Variants in MAD1L1 observed in about 807,000 individuals in gnomAD.
MAD1L1 encodes the protein mitotic arrest deficient 1 like 1.
In MAD1L1, 95 loss-of-function variants were observed where a neutral mutation model predicts 96.9. The ratio of observed to expected loss-of-function variants is 0.98; its 90% CI spans 0.83 to 1.16. The LOEUF (loss-of-function observed/expected upper bound fraction) is 1.16. Among genes scored for constraint, MAD1L1 ranks in the 50% most tolerant of loss-of-function variants. The pLI is 0.00. For missense variants in MAD1L1, 1,007 were observed against 954.4 expected (o/e 1.06, Z -0.73); for synonymous variants, 473 against 396.6 (o/e 1.19, Z -2.29).
At chr7:1,970,318 ATTTTAAT>A (rs2128479512) in intron 15 of MAD1L1, among the ~76,000 whole-genome samples, 1 of 148,938 alleles carries the variant, frequency 6.7e-6, no homozygotes, top group East Asian at 2.0e-4. Context: ...TTACTATATA[ATTTTAAT>A]TTTTACTTTT....
chr7:1,946,240 G>T (rs1583879518), intron 16 of MAD1L1, among the ~76,000 whole-genome samples: 1 of 152,332 alleles, frequency 6.6e-6, no homozygotes, highest in South Asian at 2.1e-4. Flanking sequence ...CAGGGGGTCA[G>T]TGTGAGGCTC....
chr7:1,871,629 A>AACCCACCATACGCCTGCCACG (rs1785107808), intron 18 of MAD1L1, among the ~76,000 whole-genome samples: 5 of 114,802 alleles, frequency 4.4e-5, no homozygotes, highest in Admixed American at 9.3e-5. Flanking sequence ...CGCCTGCCAC[A>AACCCACCATACGCCTGCCACG]CTGAACCCAA....
chr7:2,043,526 G>A (rs62444906), intron 12 of MAD1L1, among the ~76,000 whole-genome samples: 8 of 152,166 alleles, frequency 5.3e-5, no homozygotes, highest in South Asian at 2.1e-4. Flanking sequence ...GGAGGTGGCC[G>A]GAATGGGCGG....
At chr7:2,131,458 CAG>C (rs1384669338) in intron 11 of MAD1L1, among the ~76,000 whole-genome samples, 3 of 152,342 alleles carry the variant, frequency 2.0e-5, no homozygotes, top group African/African-American at 4.8e-5. Context: ...TCTAAGGAAA[CAG>C]GGAGCAGCTG....
At chr7:2,048,473 G>A (rs981635704) in intron 12 of MAD1L1, among the ~76,000 whole-genome samples, 5 of 152,186 alleles carry the variant, frequency 3.3e-5, no homozygotes, top group Non-Finnish European at 7.3e-5. Context: ...AGCAGTGACC[G>A]CTATACATCG....
At chr7:2,019,863 C>T (rs1270451090) in intron 12 of MAD1L1, among the ~76,000 whole-genome samples, 1 of 152,358 alleles carries the variant, frequency 6.6e-6, no homozygotes, top group South Asian at 2.1e-4. Context: ...TCCTGTCTGT[C>T]CCTCGCTTCT....
intron 18 of MAD1L1, among the ~76,000 whole-genome samples, chr7:1,865,179 A>C (rs1243150362): frequency 2.0e-5 from 3 of 152,114 alleles, no homozygotes; most frequent in Non-Finnish European, 4.4e-5. Context: ...GGCGTGCACA[A>C]GCACCCACCC....
intron 17 of MAD1L1, among the ~76,000 whole-genome samples, chr7:1,907,571 C>A (rs1259545191): frequency 6.6e-6 from 1 of 152,216 alleles, no homozygotes; most frequent in African/African-American, 2.4e-5. Flanking sequence ...CGCCACGGGG[C>A]CAGGAGGAAG....
At chr7:2,160,790 T>C (rs1790068663) in intron 10 of MAD1L1, among the ~76,000 whole-genome samples, 1 of 152,190 alleles carries the variant, frequency 6.6e-6, no homozygotes. Flanking sequence ...AGCCACTGGA[T>C]ACTTTTTGAA....
rs1022664318 is a variant in MAD1L1, at chr7:2,005,175, C to T, written c.1360-3054G>A. Among the ~76,000 whole-genome samples, 24 of 152,242 alleles carry T rather than the reference C, an allele frequency of 1.6e-4. No individual in the cohort carries two copies. The East Asian group carries it at 4.5e-3, about 28-fold the overall frequency. On this transcript the variant is annotated intron_variant, in intron 13 of 18. Coordinates refer to ENST00000265854, the MANE Select transcript of MAD1L1 (RefSeq NM_001013836.2). ...GACGAGCTGAGTGCTCCCCAGGAGG[C>T]GACCAGGACAGCAGAGGGCATCACA...
At chr7:1,897,167 G>GGCTGAATCAGACAGGCAGTGGCTCACC (rs1786929672) in intron 18 of MAD1L1, among the ~76,000 whole-genome samples, 2 of 151,654 alleles carry the variant, frequency 1.3e-5, no homozygotes, top group Admixed American at 6.6e-5. Flanking sequence ...GCCGGGCTAA[G>GGCTGAATCAGACAGGCAGTGGCTCACC]GCTGAATCAG....
chr7:2,198,556 C>T (rs1411863022), intron 10 of MAD1L1, among the ~76,000 whole-genome samples: 1 of 152,248 alleles, frequency 6.6e-6, no homozygotes, highest in South Asian at 2.1e-4. Flanking sequence ...ACAGCAATCG[C>T]GCTCTGCGGC....
At chr7:1,936,986 A>G (rs1377875574) in intron 16 of MAD1L1, 89 bp from the exon 17 acceptor site, 2 of 1,052,586 alleles carry the variant, frequency 1.9e-6, no homozygotes, top group African/African-American at 1.6e-5. Flanking sequence ...TGGCCCAGGA[A>G]GACACACAGC....
intron 15 of MAD1L1, among the ~76,000 whole-genome samples, chr7:1,967,857 C>A (rs60674889): frequency 6.8e-6 from 1 of 147,106 alleles, no homozygotes; most frequent in Non-Finnish European, 1.5e-5. Context: ...ACACTGCTGG[C>A]AATAAACAAG....
At chr7:2,112,736 C>A (rs1787445799) in intron 11 of MAD1L1, among the ~76,000 whole-genome samples, 1 of 151,882 alleles carries the variant, frequency 6.6e-6, no homozygotes, top group African/African-American at 2.4e-5. Flanking sequence ...CACCCCACAC[C>A]CACATCTCAT....
chr7:2,052,268 G>T (rs547764191), intron 12 of MAD1L1, among the ~76,000 whole-genome samples: 1 of 152,212 alleles, frequency 6.6e-6, no homozygotes, highest in Non-Finnish European at 1.5e-5. Context: ...AGGCTTCCCT[G>T]GCCCCTTCAT....
chr7:2,065,610 G>A (rs777513471), intron 12 of MAD1L1, among the ~76,000 whole-genome samples: 7 of 152,146 alleles, frequency 4.6e-5, no homozygotes, highest in Admixed American at 1.3e-4. Flanking sequence ...CCCAGAGCTC[G>A]AAACTCAGAC....
chr7:2,159,406 TGA>T (rs1157034270), intron 10 of MAD1L1, among the ~76,000 whole-genome samples: 1 of 152,164 alleles, frequency 6.6e-6, no homozygotes, highest in East Asian at 1.9e-4. Flanking sequence ...TTCACTTGTT[TGA>T]GTCTTCAATG....
intron 15 of MAD1L1, among the ~76,000 whole-genome samples, chr7:1,971,189 T>C (rs1583955437): frequency 1.3e-5 from 2 of 152,308 alleles, no homozygotes; most frequent in South Asian, 2.1e-4. Flanking sequence ...GGGCCCACAG[T>C]GAGCCCCGCA....
Sources: allele counts gnomAD v4.1 joint callset (sites outside exome capture counted in the v4.1 genomes callset), GRCh38; gene constraint gnomAD v4.1.1; transcripts MANE v1.5; gene names NCBI Gene and HGNC (gene_info 2026-07-23, HGNC 2026-07-21).